Variants in LGR4 observed in about 807,000 individuals in gnomAD.
LGR4 encodes the protein leucine rich repeat containing G protein-coupled receptor 4.
In LGR4, 44 loss-of-function variants were observed where a neutral mutation model predicts 84.8. That is an observed-to-expected ratio of 0.52 (90% confidence interval 0.41 to 0.67). The LOEUF (loss-of-function observed/expected upper bound fraction) is 0.67, where lower values mean the gene tolerates loss of function less well. Ranked by LOEUF, LGR4 falls within the 30% of genes least tolerant of loss-of-function variation. The pLI is 0.00. For missense variants in LGR4, 1,032 were observed against 1,131.4 expected (o/e 0.91, Z 1.26); for synonymous variants, 429 against 434.3 (o/e 0.99, Z 0.15).
chr11:27,368,726 G>A lies in LGR4; in HGVS notation c.1997C>T (p.Ala666Val). ...SNHLKQFRVA[A>V]LLAFLGATVA... ...TGTAGCACCTAGGAAAGCCAAAAGG[G>A]CAGCAACCCGGAACTGTTTGAGATG... is the stretch of plus-strand genomic sequence containing the variant. Residue 666 changes from alanine to valine, a missense_variant, in exon 18 of 18, where the codon GCC (alanine) becomes GTC (valine). Transcript: ENST00000379214. 6.2e-7 allele frequency: 1 copy of A among 1,613,598 alleles called. No individual in the cohort carries two copies. Among genetic ancestry groups the A allele is most frequent in the East Asian group, 2.2e-5 (1 of 44,878 alleles).
chr11:27,417,357 C>T (rs1863840449), intron 1 of LGR4, among the ~76,000 whole-genome samples: 1 of 152,036 alleles, frequency 6.6e-6, no homozygotes, highest in Admixed American at 6.6e-5. Flanking sequence ...AAAAACTCTC[C>T]CAATGACTTT....
chr11:27,452,623 GTTTT>G (rs557477166), intron 1 of LGR4, among the ~76,000 whole-genome samples: 31 of 119,332 alleles, frequency 2.6e-4, no homozygotes, highest in African/African-American at 9.6e-4. Context: ...AACTTTTTGA[GTTTT>G]TTTTTTTTTT....
intron 2 of LGR4, among the ~76,000 whole-genome samples, chr11:27,405,667 G>A (rs1230500112): frequency 6.6e-6 from 1 of 151,958 alleles, no homozygotes; most frequent in Non-Finnish European, 1.5e-5. Context: ...CAGACTCCTG[G>A]TAATCTTAAA....
intron 1 of LGR4, among the ~76,000 whole-genome samples, chr11:27,419,596 A>G (rs891665250): frequency 2.7e-5 from 4 of 147,688 alleles, no homozygotes; most frequent in African/African-American, 4.9e-5. Context: ...GTTTTAATAT[A>G]TATGTATTAT....
At chr11:27,425,623 C>A (rs1013887434) in intron 1 of LGR4, among the ~76,000 whole-genome samples, 2 of 152,052 alleles carry the variant, frequency 1.3e-5, no homozygotes, top group Non-Finnish European at 2.9e-5. Flanking sequence ...ATAACCAGCT[C>A]CATCATAAAT....
At position 27,472,602 on chromosome 11, in the gene LGR4, C is replaced by G. The variant is rs1272893974; in HGVS notation, c.-300G>C. The G allele has an allele frequency of 2.7e-6, 1 of 370,914 alleles. No homozygotes were observed. Among genetic ancestry groups the G allele is most frequent in the East Asian group, 3.9e-5 (1 of 25,560 alleles). The allele number at this position is 370,914 out of a possible 1,614,324, so 23.0% of individuals were successfully genotyped here. On this transcript the variant is annotated 5_prime_UTR_variant, in exon 1 of 18. Coordinates refer to ENST00000379214, the MANE Select transcript of LGR4 (RefSeq NM_018490.5). The stretch of plus-strand genomic sequence containing the variant: ...CGGGGGCCGCGCTCTGCCATCGCAC[C>G]GGTCTCCCTGTCCCTGGCCTCTCAA...
intron 1 of LGR4, among the ~76,000 whole-genome samples, chr11:27,442,810 A>C (rs1332632105): frequency 6.6e-6 from 1 of 152,218 alleles, no homozygotes; most frequent in East Asian, 1.9e-4. Flanking sequence ...TATCCCTGAA[A>C]ACTGAATCCT....
At chr11:27,371,355 CT>C (rs1313767811) in intron 17 of LGR4, among the ~76,000 whole-genome samples, 1 of 152,190 alleles carries the variant, frequency 6.6e-6, no homozygotes, top group Admixed American at 6.5e-5. Context: ...AAGAAAGTGC[CT>C]CTGAAATTCT....
chr11:27,461,181 G>T (rs955206833), intron 1 of LGR4, among the ~76,000 whole-genome samples: 1 of 151,736 alleles, frequency 6.6e-6, no homozygotes, highest in East Asian at 1.9e-4. Context: ...CTTTTCTTTA[G>T]CTACAAAACC....
At chr11:27,418,501 T>G (rs1863863165) in intron 1 of LGR4, among the ~76,000 whole-genome samples, 1 of 152,106 alleles carries the variant, frequency 6.6e-6, no homozygotes, top group Non-Finnish European at 1.5e-5. Context: ...ACATCTTCTG[T>G]TTTTTTCAGG....
chr11:27,410,335 C>A, intron 2 of LGR4, among the ~76,000 whole-genome samples: 1 of 152,070 alleles, frequency 6.6e-6, no homozygotes, highest in Non-Finnish European at 1.5e-5. Context: ...AGTGATTTCT[C>A]CCAATACCCC....
chr11:27,433,252 A>G (rs4431983), intron 1 of LGR4, among the ~76,000 whole-genome samples: 151,433 of 152,232 alleles, frequency 0.99, 75,323 homozygotes, highest in East Asian at 1. Context: ...TCGCTCTGTC[A>G]TCCAGGCTGG....
rs543329448 is a variant in LGR4, at chr11:27,402,121, A to G, written c.258-9603T>C. Among the ~76,000 whole-genome samples the G allele has an allele frequency of 2.0e-5, 3 of 152,262 alleles. No individual in the cohort carries two copies. In the South Asian group the frequency reaches 6.2e-4, roughly 32 times the overall value. ...TCCTGGCAGAGCCTATATTTGTTCA[A>G]ATATCCTCCCGTCCACATGACTCAG... On this transcript the variant is annotated intron_variant, in intron 2 of 17. Transcript: ENST00000379214.
intron 11 of LGR4, 27 bp from the exon 12 acceptor site, chr11:27,377,250 A>G: frequency 3.4e-6 from 4 of 1,172,064 alleles, no homozygotes; most frequent in East Asian, 2.4e-5. Context: ...TTAACAAATT[A>G]ATGCTATGTT....
intron 1 of LGR4, among the ~76,000 whole-genome samples, chr11:27,426,395 A>C (rs1011061907): frequency 6.6e-6 from 1 of 152,198 alleles, no homozygotes; most frequent in Non-Finnish European, 1.5e-5. Context: ...ATTTCAGTAA[A>C]ACTAATTTTT....
intron 1 of LGR4, among the ~76,000 whole-genome samples, chr11:27,453,908 C>T (rs1864527507): frequency 6.6e-6 from 1 of 152,194 alleles, no homozygotes; most frequent in Admixed American, 6.5e-5. Flanking sequence ...GGAAGTTGGA[C>T]ATGCCTCATT....
chr11:27,375,289 C>T (rs1289091849), intron 13 of LGR4, among the ~76,000 whole-genome samples: 1 of 133,070 alleles, frequency 7.5e-6, no homozygotes, highest in African/African-American at 2.7e-5. Context: ...GAGTGAGAGA[C>T]CCTGTCTCAA....
intron 2 of LGR4, among the ~76,000 whole-genome samples, chr11:27,393,989 G>A (rs55966435): frequency 1.6e-5 from 2 of 126,068 alleles, no homozygotes; most frequent in African/African-American, 5.8e-5. Context: ...ACAGCCAAAA[G>A]ACCCAGAAAC....
At chr11:27,387,527 A>G (rs904746112) in intron 4 of LGR4, among the ~76,000 whole-genome samples, 17 of 152,174 alleles carry the variant, frequency 1.1e-4, no homozygotes, top group Non-Finnish European at 2.2e-4. Context: ...AGGCAAAGGA[A>G]AGAGCCACGT....
Sources: allele counts gnomAD v4.1 joint callset (sites outside exome capture counted in the v4.1 genomes callset), GRCh38; gene constraint gnomAD v4.1.1; transcripts MANE v1.5; gene names NCBI Gene and HGNC (gene_info 2026-07-23, HGNC 2026-07-21).